The following STPG2 variants were observed in gnomAD, a reference collection of about 807,000 sequenced individuals.
The protein encoded by STPG2 is sperm-tail PG-rich repeat-containing protein 2.
Under a neutral mutation model 54.2 loss-of-function variants are expected in STPG2, and 56 were observed. The ratio of observed to expected loss-of-function variants is 1.03; its 90% CI spans 0.83 to 1.29. The LOEUF is 1.29. Among genes scored for constraint, STPG2 ranks in the 50% most tolerant of loss-of-function variants. The pLI is 0.00. For missense variants in STPG2, 596 were observed against 544.9 expected, an observed-to-expected ratio of 1.09 and a Z score of -0.93; for synonymous variants, 200 against 181.8, an observed-to-expected ratio of 1.10 and a Z score of -0.81.
At chr4:97,979,818 A>T (rs544442016) in intron 6 of STPG2, among the ~76,000 whole-genome samples, 138 of 149,424 alleles carry the variant, frequency 9.2e-4, no homozygotes, top group Non-Finnish European at 6.7e-4. Flanking sequence ...TCCGCCTCCC[A>T]GGTTCAAGCA....
At chr4:97,782,842 T>C (rs947578491) in intron 9 of STPG2, among the ~76,000 whole-genome samples, 2 of 152,228 alleles carry the variant, frequency 1.3e-5, no homozygotes, top group Non-Finnish European at 2.9e-5. Flanking sequence ...GGATTCCCTA[T>C]TTAATAAATG....
intron 9 of STPG2, among the ~76,000 whole-genome samples, chr4:97,757,274 C>T (rs1003151598): frequency 2.0e-5 from 3 of 152,110 alleles, no homozygotes; most frequent in Admixed American, 2.0e-4. Flanking sequence ...GCAAATGCCT[C>T]CCAGACCTTC....
At chr4:97,688,749 T>C (rs1357917436) in intron 10 of STPG2, among the ~76,000 whole-genome samples, 1 of 152,152 alleles carries the variant, frequency 6.6e-6, no homozygotes, top group Admixed American at 6.5e-5. Context: ...ATGAATATAG[T>C]AAGAATCTTA....
intron 8 of STPG2, among the ~76,000 whole-genome samples, chr4:97,911,213 C>T (rs1479785394): frequency 1.3e-5 from 2 of 152,250 alleles, no homozygotes; most frequent in Non-Finnish European, 2.9e-5. Flanking sequence ...GCTGTGCAGA[C>T]TGTCAGCGGC....
At chr4:97,963,380 G>T (rs1302862440) in intron 7 of STPG2, among the ~76,000 whole-genome samples, 1 of 151,924 alleles carries the variant, frequency 6.6e-6, no homozygotes, top group Non-Finnish European at 1.5e-5. Context: ...ATATATACTG[G>T]GCGTGGTGGC....
At chr4:97,594,062 G>T (rs980224952) in intron 10 of STPG2, among the ~76,000 whole-genome samples, 3 of 152,184 alleles carry the variant, frequency 2.0e-5, no homozygotes, top group South Asian at 4.1e-4. Context: ...GAAAGAAGCA[G>T]CACAATAACT....
chr4:97,801,642 TA>T (rs1389629589), intron 9 of STPG2, among the ~76,000 whole-genome samples: 2 of 152,262 alleles, frequency 1.3e-5, no homozygotes, highest in African/African-American at 2.4e-5. Flanking sequence ...TAAAACCCTT[TA>T]AAAAATGTCT....
chr4:97,959,070 A>G (rs1456221875), intron 7 of STPG2, among the ~76,000 whole-genome samples: 3 of 152,184 alleles, frequency 2.0e-5, no homozygotes, highest in African/African-American at 4.8e-5. Flanking sequence ...TCTAAAAGGA[A>G]CCTTCAAAAT....
At chr4:97,854,733 A>AT (rs950683992) in intron 8 of STPG2, among the ~76,000 whole-genome samples, 1 of 151,882 alleles carries the variant, frequency 6.6e-6, no homozygotes, top group Non-Finnish European at 1.5e-5. Flanking sequence ...ATTTTATTAG[A>AT]TTTTTTTTCT....
At chr4:97,808,178 T>G (rs1040188297) in intron 9 of STPG2, among the ~76,000 whole-genome samples, 1 of 151,870 alleles carries the variant, frequency 6.6e-6, no homozygotes, top group African/African-American at 2.4e-5. Context: ...GTATCTTAGA[T>G]GAAAAGAAAA....
chr4:97,707,080 T>C (rs928632046), intron 10 of STPG2, among the ~76,000 whole-genome samples: 5 of 152,046 alleles, frequency 3.3e-5, no homozygotes, highest in African/African-American at 1.2e-4. Context: ...TAGCAGGTAA[T>C]TAAAGGTATT....
intron 7 of STPG2, among the ~76,000 whole-genome samples, chr4:97,965,542 A>G (rs1432318892): frequency 6.6e-6 from 1 of 152,148 alleles, no homozygotes; most frequent in Non-Finnish European, 1.5e-5. Context: ...GCCTCCACAA[A>G]TGGGGCCCTG....
chr4:98,066,949 A>G (rs1348919705), intron 5 of STPG2, among the ~76,000 whole-genome samples: 1 of 152,180 alleles, frequency 6.6e-6, no homozygotes. Context: ...GAGAAATCCA[A>G]TTCTCTTTTT....
At chr4:97,638,366 C>G (rs1025888386) in intron 10 of STPG2, among the ~76,000 whole-genome samples, 1 of 152,050 alleles carries the variant, frequency 6.6e-6, no homozygotes, top group African/African-American at 2.4e-5. Flanking sequence ...AAGACTTAAA[C>G]ATTAGACCTA....
At chr4:98,016,391 TC>T (rs758157440) in intron 5 of STPG2, among the ~76,000 whole-genome samples, 8 of 152,188 alleles carry the variant, frequency 5.3e-5, no homozygotes, top group Non-Finnish European at 1.0e-4. Flanking sequence ...CTCTGGAACT[TC>T]ATTATTCATA....
intron 10 of STPG2, among the ~76,000 whole-genome samples, chr4:97,698,854 T>G (rs1185949997): frequency 1.3e-5 from 2 of 152,144 alleles, no homozygotes; most frequent in Non-Finnish European, 1.5e-5. Context: ...GACTAGTGAA[T>G]TCCATGAACA....
Position 97,508,741 on chromosome 4 carries a change from AT to A in STPG2, c.462+203957del, listed in dbSNP as rs982323480. Among the ~76,000 whole-genome samples, 282 of 152,226 alleles carry A rather than the reference AT, an allele frequency of 1.9e-3. 1 individual carries two copies. The highest frequency in any genetic ancestry group is 6.5e-3 in the African/African-American group (270 of 41,566). Reference sequence around the variant, plus strand: ...TTTGAACAAAAAATAATTTTTATTAATTATAGCATGAAAATACAAAATATAA... The same window carrying A: ...TTTGAACAAAAAATAATTTTTATTAATATAGCATGAAAATACAAAATATAA... On this transcript the variant is annotated intron_variant, in intron 4 of 4. Coordinates refer to the STPG2 transcript ENST00000522676.
intron 9 of STPG2, among the ~76,000 whole-genome samples, chr4:97,791,807 C>A (rs1281741077): frequency 6.6e-6 from 1 of 151,238 alleles, no homozygotes; most frequent in Non-Finnish European, 1.5e-5. Context: ...CATCTAGAAC[C>A]AAGCATAACA....
chr4:97,502,979 G>C (rs1470020806), intron 4 of STPG2, among the ~76,000 whole-genome samples: 1 of 151,764 alleles, frequency 6.6e-6, no homozygotes, highest in African/African-American at 2.4e-5. Flanking sequence ...ATAAATTTGT[G>C]ATATTTAATT....
Sources: gnomAD v4.1 joint callset for allele counts (sites outside exome capture counted in the v4.1 genomes callset) on GRCh38, gnomAD v4.1.1 for gene constraint, MANE v1.5 for transcripts, NCBI Gene and HGNC (gene_info 2026-07-23, HGNC 2026-07-21) for gene names.